UNC5B: variants seen among roughly 807,000 people sequenced by gnomAD.
UNC5B encodes the protein unc-5 netrin receptor B.
Under a neutral mutation model 103.7 loss-of-function variants are expected in UNC5B, and 56 were observed. The observed-to-expected ratio is 0.54, with a 90% confidence interval of 0.44 to 0.67. The LOEUF (loss-of-function observed/expected upper bound fraction) is 0.67. UNC5B is among the 30% of genes least tolerant of loss of function. The pLI is 0.00. For synonymous variants in UNC5B, 577 were observed against 542.0 expected (o/e 1.06, Z -0.90); for missense variants, 1,194 against 1,284.5 (o/e 0.93, Z 1.08).
At chr10:71,272,559 C>G (rs981740640) in intron 1 of UNC5B, among the ~76,000 whole-genome samples, 3 of 152,234 alleles carry the variant, frequency 2.0e-5, no homozygotes, top group Admixed American at 2.0e-4. Context: ...CAAGCCTTCA[C>G]CCACAACCCT....
chr10:71,291,046 A>G lies in UNC5B; in HGVS notation c.1231A>G (p.Thr411Ala), dbSNP rs759858044. The G allele has an allele frequency of 2.8e-5, 45 of 1,614,016 alleles. No individual in the cohort carries two copies. Among genetic ancestry groups the G allele is most frequent in the South Asian group, 2.0e-4 (18 of 91,078 alleles). ...RNCRDFDTDITDSSAALTGGF... is the reference protein window; with the variant it reads ...RNCRDFDTDIADSSAALTGGF... ...CTGCCGTGACTTCGACACAGACATC[A>G]CTGACTCATCTGCTGCCCTGACTGG... is the stretch of plus-strand genomic sequence containing the variant. The change falls in exon 9 of 17, where the codon ACT becomes GCT. Residue 411 changes from threonine to alanine, a missense_variant. By Grantham distance (58) the Thr-to-Ala change is moderately conservative. Coordinates refer to ENST00000335350, the MANE Select transcript of UNC5B (RefSeq NM_170744.5).
chr10:71,278,995 G>A (rs1265338966), intron 1 of UNC5B, among the ~76,000 whole-genome samples: 1 of 152,230 alleles, frequency 6.6e-6, no homozygotes, highest in Non-Finnish European at 1.5e-5. Flanking sequence ...ACCTCCTGAG[G>A]TGCAGTTCTT....
chr10:71,235,054 C>T (rs1024025475), intron 1 of UNC5B, among the ~76,000 whole-genome samples: 4 of 152,174 alleles, frequency 2.6e-5, no homozygotes, highest in African/African-American at 4.8e-5. Flanking sequence ...GCTGCAATGC[C>T]GGGCCCCTAT....
At chr10:71,279,419 C>G (rs1844855716) in intron 1 of UNC5B, among the ~76,000 whole-genome samples, 1 of 152,220 alleles carries the variant, frequency 6.6e-6, no homozygotes, top group African/African-American at 2.4e-5. Flanking sequence ...CCCATTGCAT[C>G]TCGTGGCGTC....
chr10:71,233,122 G>A (rs1843714001), intron 1 of UNC5B, among the ~76,000 whole-genome samples: 1 of 152,224 alleles, frequency 6.6e-6, no homozygotes, highest in Non-Finnish European at 1.5e-5. Context: ...TCAAGGACCA[G>A]TGTGCCCTGT....
At chr10:71,278,092 AC>A (rs1166196727) in intron 1 of UNC5B, among the ~76,000 whole-genome samples, 1 of 152,116 alleles carries the variant, frequency 6.6e-6, no homozygotes, top group Non-Finnish European at 1.5e-5. Flanking sequence ...AAGTTGCTTA[AC>A]CTCCCTGAGC....
At chr10:71,296,365 T>C (rs1845412348) in intron 14 of UNC5B, among the ~76,000 whole-genome samples, 1 of 152,024 alleles carries the variant, frequency 6.6e-6, no homozygotes, top group Non-Finnish European at 1.5e-5. Context: ...ACCTGTGCCT[T>C]TCCCTCCCCC....
chr10:71,267,422 G>A (rs1245401620), intron 1 of UNC5B, among the ~76,000 whole-genome samples: 1 of 152,204 alleles, frequency 6.6e-6, no homozygotes, highest in Non-Finnish European at 1.5e-5. Flanking sequence ...GGCCGAGGAG[G>A]AGACAGCTAC....
In UNC5B at chr10:71,212,959, G is replaced by T; in HGVS notation, c.-27G>T. 7.6e-7 allele frequency: 1 copy of T among 1,320,446 alleles called. No individual in the cohort carries two copies. Among genetic ancestry groups the T allele is most frequent in the South Asian group, 2.2e-5 (1 of 45,674 alleles). 81.8% of individuals were successfully genotyped at this position (1,320,446 alleles called of 1,614,324 possible). A position where few individuals can be genotyped will look rare whatever the true frequency, so the allele number is the denominator to read the frequency against. Reference sequence around the variant, plus strand: ...GGGCCAGGGAGACAGCCCTGGGGGAGAGGCGCCCGAACCAGGCCGCGGGAG... The same window carrying T: ...GGGCCAGGGAGACAGCCCTGGGGGATAGGCGCCCGAACCAGGCCGCGGGAG... On this transcript the variant is annotated 5_prime_UTR_variant, in exon 1 of 17. Transcript: ENST00000335350.
chr10:71,215,456 C>G (rs1843310365), intron 1 of UNC5B, among the ~76,000 whole-genome samples: 1 of 152,192 alleles, frequency 6.6e-6, no homozygotes, highest in Non-Finnish European at 1.5e-5. Flanking sequence ...CCTCTCTCTC[C>G]TTTTCCCCAC....
chr10:71,260,256 G>C (rs1844385828), intron 1 of UNC5B, among the ~76,000 whole-genome samples: 1 of 152,242 alleles, frequency 6.6e-6, no homozygotes, highest in Admixed American at 6.5e-5. Context: ...TTCCTTGCCA[G>C]GGGCCTCAGG....
At chr10:71,289,852 C>T (rs997958207) in intron 8 of UNC5B, among the ~76,000 whole-genome samples, 11 of 152,352 alleles carry the variant, frequency 7.2e-5, no homozygotes, top group Admixed American at 2.0e-4. Context: ...GGCAGACATC[C>T]GGGGCTGGGA....
chr10:71,290,840 A>G, intron 8 of UNC5B, 75 bp from the exon 9 acceptor site: 1 of 1,495,674 alleles, frequency 6.7e-7, no homozygotes, highest in South Asian at 1.3e-5. Context: ...TGCCCTTTCC[A>G]GGGACCCAGG....
chr10:71,298,397 C>T (rs2132319281), intron 16 of UNC5B, among the ~76,000 whole-genome samples: 1 of 152,272 alleles, frequency 6.6e-6, no homozygotes, highest in Non-Finnish European at 1.5e-5. Flanking sequence ...GACTCAAAGC[C>T]AGGGCATCAG....
intron 1 of UNC5B, among the ~76,000 whole-genome samples, chr10:71,239,528 T>G (rs1843847509): frequency 6.6e-6 from 1 of 152,130 alleles, no homozygotes; most frequent in African/African-American, 2.4e-5. Context: ...CACTAATAGT[T>G]CCAGCCTCAT....
chr10:71,273,626 C>A (rs1844697668), intron 1 of UNC5B, among the ~76,000 whole-genome samples: 1 of 152,242 alleles, frequency 6.6e-6, no homozygotes, highest in South Asian at 2.1e-4. Flanking sequence ...TGTGTCTCCA[C>A]AGCAGGCACT....
chr10:71,222,871 G>C (rs985341021), intron 1 of UNC5B, among the ~76,000 whole-genome samples: 1 of 152,224 alleles, frequency 6.6e-6, no homozygotes, highest in African/African-American at 2.4e-5. Flanking sequence ...AGAGGCGTCC[G>C]CCTGCCTGGC....
At chr10:71,279,281 C>T (rs1446260507) in intron 1 of UNC5B, among the ~76,000 whole-genome samples, 1 of 152,212 alleles carries the variant, frequency 6.6e-6, no homozygotes, top group African/African-American at 2.4e-5. Flanking sequence ...CCTGCTTCAG[C>T]CGGCTCATCC....
At chr10:71,226,327 G>T (rs112997329) in intron 1 of UNC5B, among the ~76,000 whole-genome samples, 5 of 152,074 alleles carry the variant, frequency 3.3e-5, no homozygotes, top group Middle Eastern at 3.2e-3. Flanking sequence ...CGCTTGCCTC[G>T]GCCTCCCAAA....
Sources: allele counts gnomAD v4.1 joint callset (sites outside exome capture counted in the v4.1 genomes callset), GRCh38; gene constraint gnomAD v4.1.1; transcripts MANE v1.5; gene names NCBI Gene and HGNC (gene_info 2026-07-23, HGNC 2026-07-21).